TRDN: variants seen among roughly 807,000 people sequenced by gnomAD.
TRDN encodes triadin, also known as triadin in skeletal muscle.
In TRDN, 161 loss-of-function variants were observed where a neutral mutation model predicts 149.7. The observed-to-expected ratio is 1.08, with a 90% CI of 0.95 to 1.23. TRDN has a LOEUF of 1.23. TRDN is among the 50% of genes most tolerant of loss of function. The probability of loss-of-function intolerance (pLI) is 0.00; values close to 1 mark genes in which losing one functional copy is unlikely to be tolerated. For missense variants in TRDN, 896 were observed against 823.5 expected (o/e 1.09, Z -1.08); for synonymous variants, 294 against 250.5 (o/e 1.17, Z -1.64).
chr6:123,454,638 C>G (rs1775991545), intron 10 of TRDN, among the ~76,000 whole-genome samples: 1 of 152,186 alleles, frequency 6.6e-6, no homozygotes, highest in Non-Finnish European at 1.5e-5. Flanking sequence ...CTGTTAGGAA[C>G]TAGGGTGCAC....
rs1159379547 is a variant in TRDN, at chr6:123,438,999, T to C, written c.936A>G (p.Lys312=). The C allele has an allele frequency of 6.4e-7, 1 of 1,553,842 alleles. No individual in the cohort carries two copies. ...TCTCAGCCTTCTTCTTTTCCCCTTCTTTTTCTAGAGAATACATTTAAAATA... is the reference window on the plus strand; with the variant it reads ...TCTCAGCCTTCTTCTTTTCCCCTTCCTTTTCTAGAGAATACATTTAAAATA... ...PTPASPALEE[K]EGEKKKAEKK... The change falls in exon 11 of 41, where the codon AAA becomes AAG. Residue 312 remains lysine, a synonymous_variant. Transcript: ENST00000334268.
chr6:123,381,916 G>A (rs556374822), intron 15 of TRDN, among the ~76,000 whole-genome samples: 27 of 151,374 alleles, frequency 1.8e-4, no homozygotes, highest in South Asian at 1.5e-3. Context: ...CCATTACTGC[G>A]AAATACTTCT....
intron 1 of TRDN, among the ~76,000 whole-genome samples, chr6:123,599,614 T>TC (rs1784188898): frequency 6.6e-6 from 1 of 151,994 alleles, no homozygotes; most frequent in South Asian, 2.1e-4. Flanking sequence ...TAAATAAGCA[T>TC]TATGTCCTGA....
intron 38 of TRDN, among the ~76,000 whole-genome samples, chr6:123,232,940 C>A (rs887624796): frequency 6.6e-6 from 1 of 151,984 alleles, no homozygotes; most frequent in African/African-American, 2.4e-5. Flanking sequence ...TTCATCTCTA[C>A]CAGCAGTCTA....
intron 19 of TRDN, among the ~76,000 whole-genome samples, chr6:123,373,307 T>C (rs1048465782): frequency 3.9e-5 from 6 of 152,280 alleles, no homozygotes; most frequent in African/African-American, 1.2e-4. Context: ...AAGCTCTCTT[T>C]TTGCCTGCAA....
chr6:123,490,408 A>T (rs996376085), intron 9 of TRDN, among the ~76,000 whole-genome samples: 6 of 152,116 alleles, frequency 3.9e-5, no homozygotes, highest in Admixed American at 3.9e-4. Context: ...ATAGAGCGTG[A>T]TAACATGACA....
intron 29 of TRDN, among the ~76,000 whole-genome samples, chr6:123,272,365 A>C (rs1471752782): frequency 6.6e-6 from 1 of 151,946 alleles, no homozygotes; most frequent in Admixed American, 6.6e-5. Context: ...TAATTAGCTG[A>C]AATAAAAACT....
chr6:123,294,240 T>C (rs1366751008), intron 24 of TRDN, among the ~76,000 whole-genome samples: 2 of 152,200 alleles, frequency 1.3e-5, no homozygotes, highest in Non-Finnish European at 2.9e-5. Context: ...CCTGGTTACA[T>C]AGATATAACC....
chr6:123,277,020 G>T (rs142789664), intron 26 of TRDN, among the ~76,000 whole-genome samples: 1 of 152,038 alleles, frequency 6.6e-6, no homozygotes, highest in Non-Finnish European at 1.5e-5. Context: ...CTAGGTTTTG[G>T]ATTTGCTTAG....
chr6:123,361,803 A>G (rs181573427), intron 20 of TRDN, among the ~76,000 whole-genome samples: 5 of 151,900 alleles, frequency 3.3e-5, no homozygotes, highest in Admixed American at 3.3e-4. Flanking sequence ...GTCTGCTTTT[A>G]TCTTTGATTT....
chr6:123,503,283 T>G, intron 8 of TRDN: 1 of 985,354 alleles, frequency 1.0e-6, no homozygotes, highest in Non-Finnish European at 1.2e-6. Flanking sequence ...ATGGATAGTT[T>G]TTATGATATT....
intron 12 of TRDN, among the ~76,000 whole-genome samples, chr6:123,401,883 G>T (rs367702225): frequency 6.6e-6 from 1 of 151,294 alleles, no homozygotes; most frequent in African/African-American, 2.4e-5. Flanking sequence ...GGAGGTGGAG[G>T]TTGCAGTGAG....
intron 15 of TRDN, among the ~76,000 whole-genome samples, chr6:123,381,658 T>C (rs1781724568): frequency 6.6e-6 from 1 of 152,004 alleles, no homozygotes; most frequent in African/African-American, 2.4e-5. Flanking sequence ...ACACCTGATA[T>C]GTAATAGTCT....
At chr6:123,366,533 T>A (rs1353143038) in intron 19 of TRDN, among the ~76,000 whole-genome samples, 1 of 152,166 alleles carries the variant, frequency 6.6e-6, no homozygotes, top group Non-Finnish European at 1.5e-5. Flanking sequence ...AATTTTTTTT[T>A]TTAAACGGAG....
At chr6:123,626,784 A>G (rs1447412354) in intron 1 of TRDN, among the ~76,000 whole-genome samples, 1 of 152,016 alleles carries the variant, frequency 6.6e-6, no homozygotes, top group Non-Finnish European at 1.5e-5. Context: ...TGTAAAAATT[A>G]TATTTTTTAA....
Position 123,271,190 on chromosome 6 carries a change from T to C in TRDN, c.1673-4A>G. Reference sequence around the variant, plus strand: ...ACCTGCTTGAGAACTTTTTCTTCTGTGATAGGAAAAAATGTTAACACAAGT... The same window carrying C: ...ACCTGCTTGAGAACTTTTTCTTCTGCGATAGGAAAAAATGTTAACACAAGT... On this transcript the variant is annotated splice_region_variant and splice_polypyrimidine_tract_variant and intron_variant, in intron 29 of 40. Transcript: ENST00000334268. 1 of 1,532,802 alleles carries C rather than the reference T, an allele frequency of 6.5e-7. No homozygotes were observed. Among genetic ancestry groups the C allele is most frequent in the South Asian group, 1.2e-5 (1 of 81,672 alleles). 95.0% of individuals were successfully genotyped at this position (1,532,802 alleles called of 1,614,324 possible). A position where few individuals can be genotyped will look rare whatever the true frequency, so the allele number is the denominator to read the frequency against.
chr6:123,419,890 C>G (rs1322272140), intron 12 of TRDN, among the ~76,000 whole-genome samples: 1 of 152,140 alleles, frequency 6.6e-6, no homozygotes. Context: ...TAATTCCTTC[C>G]TACATCAGCA....
chr6:123,444,747 C>T (rs1775202730), intron 10 of TRDN, among the ~76,000 whole-genome samples: 1 of 152,070 alleles, frequency 6.6e-6, no homozygotes, highest in South Asian at 2.1e-4. Flanking sequence ...TTGAATTTGT[C>T]AAAGGCCTTT....
chr6:123,622,160 A>G (rs1785418286), intron 1 of TRDN, among the ~76,000 whole-genome samples: 1 of 152,002 alleles, frequency 6.6e-6, no homozygotes, highest in Non-Finnish European at 1.5e-5. Context: ...CAGTCTACTC[A>G]ATGTGAAGAT....
Sources: allele counts gnomAD v4.1 joint callset (sites outside exome capture counted in the v4.1 genomes callset), GRCh38; gene constraint gnomAD v4.1.1; transcripts MANE v1.5; gene names NCBI Gene and HGNC (gene_info 2026-07-23, HGNC 2026-07-21).